GRM3: variants seen among roughly 807,000 people sequenced by gnomAD.
GRM3 encodes the protein glutamate metabotropic receptor 3.
A neutral mutation model predicts 70.5 loss-of-function variants in GRM3; 26 were observed. That is an observed-to-expected ratio of 0.37 (90% CI 0.27 to 0.51). The LOEUF is 0.51. GRM3 is among the 20% of genes least tolerant of loss of function. The pLI is 0.93. For synonymous variants in GRM3, 443 were observed against 434.9 expected, an observed-to-expected ratio of 1.02 and a Z score of -0.23; for missense variants, 859 against 1,123.8, an observed-to-expected ratio of 0.76 and a Z score of 3.37.
At chr7:86,647,178 T>G (rs1793493986) in intron 1 of GRM3, among the ~76,000 whole-genome samples, 1 of 152,224 alleles carries the variant, frequency 6.6e-6, no homozygotes, top group African/African-American at 2.4e-5. Flanking sequence ...TTTTGAAAGA[T>G]TCTCAGCAAT....
chr7:86,756,889 A>ATCTTT (rs1796358545), intron 1 of GRM3, among the ~76,000 whole-genome samples: 1 of 152,170 alleles, frequency 6.6e-6, no homozygotes, highest in African/African-American at 2.4e-5. Context: ...TTTCTTTTCT[A>ATCTTT]TCTTTTTTCT....
chr7:86,653,438 T>G (rs1308893654), intron 1 of GRM3, among the ~76,000 whole-genome samples: 1 of 152,218 alleles, frequency 6.6e-6, no homozygotes, highest in African/African-American at 2.4e-5. Context: ...TCTAATTGGA[T>G]TAACCAGTTG....
intron 3 of GRM3, among the ~76,000 whole-genome samples, chr7:86,801,261 G>A (rs1277483192): frequency 1.3e-5 from 2 of 151,736 alleles, no homozygotes; most frequent in Admixed American, 1.3e-4. Flanking sequence ...AGTCGAGACG[G>A]GGTTTCACTA....
At chr7:86,661,899 C>G (rs1002582284) in intron 1 of GRM3, among the ~76,000 whole-genome samples, 3 of 151,782 alleles carry the variant, frequency 2.0e-5, no homozygotes, top group South Asian at 4.1e-4. Flanking sequence ...AGGCACTTTA[C>G]TTTCACAGTT....
At chr7:86,740,489 G>T (rs1219996390) in intron 1 of GRM3, among the ~76,000 whole-genome samples, 1 of 152,114 alleles carries the variant, frequency 6.6e-6, no homozygotes, top group Non-Finnish European at 1.5e-5. Context: ...AGCAAGTCTG[G>T]CTACCAGTAA....
intron 1 of GRM3, among the ~76,000 whole-genome samples, chr7:86,750,994 G>T (rs1277210871): frequency 6.6e-6 from 1 of 152,068 alleles, no homozygotes; most frequent in Non-Finnish European, 1.5e-5. Flanking sequence ...GAAAATAATA[G>T]AAGTGGATAT....
intron 1 of GRM3, among the ~76,000 whole-genome samples, chr7:86,646,029 A>G (rs1479515453): frequency 1.8e-4 from 20 of 109,340 alleles, no homozygotes; most frequent in South Asian, 3.1e-4. Flanking sequence ...GAGGGAGTTT[A>G]GGGGGTGGAG....
intron 1 of GRM3, among the ~76,000 whole-genome samples, chr7:86,729,100 CT>C (rs1795660736): frequency 6.6e-6 from 1 of 152,118 alleles, no homozygotes; most frequent in African/African-American, 2.4e-5. Flanking sequence ...GATTAGCTTC[CT>C]TTTGTGAGAT....
chr7:86,766,980 G>T (rs887011467), intron 2 of GRM3, among the ~76,000 whole-genome samples: 1 of 152,180 alleles, frequency 6.6e-6, no homozygotes, highest in African/African-American at 2.4e-5. Flanking sequence ...GGAGGCTGAG[G>T]CAGGCAGATC....
intron 1 of GRM3, among the ~76,000 whole-genome samples, chr7:86,689,442 G>C (rs1023622421): frequency 6.6e-6 from 1 of 151,970 alleles, no homozygotes; most frequent in Non-Finnish European, 1.5e-5. Flanking sequence ...ATAGTAACAA[G>C]AGCCTAAGGA....
chr7:86,775,824 C>A (rs1412317920), intron 2 of GRM3: 2 of 152,052 alleles, frequency 1.3e-5, no homozygotes, highest in Non-Finnish European at 2.9e-5. Flanking sequence ...TGGAAAACTT[C>A]CACTTATTCC....
chr7:86,824,809 T>C (rs1375399109), intron 3 of GRM3, among the ~76,000 whole-genome samples: 1 of 151,236 alleles, frequency 6.6e-6, no homozygotes, highest in African/African-American at 2.4e-5. Flanking sequence ...TATATGTGTG[T>C]GTGTGCACAT....
chr7:86,862,586 TAAGAAG>T (rs1288876352), intron 5 of GRM3, among the ~76,000 whole-genome samples: 1 of 152,036 alleles, frequency 6.6e-6, no homozygotes, highest in Non-Finnish European at 1.5e-5. Flanking sequence ...CTGATCCTAA[TAAGAAG>T]AAGAAAAAAA....
chr7:86,731,641 A>C (rs1795736988), intron 1 of GRM3, among the ~76,000 whole-genome samples: 1 of 152,200 alleles, frequency 6.6e-6, no homozygotes, highest in Non-Finnish European at 1.5e-5. Flanking sequence ...TGGATTGGCT[A>C]TACCTATCTC....
intron 1 of GRM3, among the ~76,000 whole-genome samples, chr7:86,684,320 A>T (rs1368234948): frequency 2.0e-5 from 3 of 152,234 alleles, no homozygotes; most frequent in African/African-American, 7.2e-5. Context: ...CATTCCACAG[A>T]GGGCTGTTGC....
intron 1 of GRM3, chr7:86,710,045 C>A (rs1345372353): frequency 6.6e-6 from 1 of 152,060 alleles, no homozygotes; most frequent in Non-Finnish European, 1.5e-5. Context: ...TTAAAGCGAG[C>A]ATTTTCTTCT....
intron 3 of GRM3, among the ~76,000 whole-genome samples, chr7:86,827,510 T>A (rs1331922434): frequency 6.6e-6 from 1 of 150,380 alleles, no homozygotes; most frequent in Non-Finnish European, 1.5e-5. Context: ...AAAACTCATA[T>A]AAATCACTTT....
chr7:86,695,737 G>A (rs1762649488), intron 1 of GRM3, among the ~76,000 whole-genome samples: 2 of 152,150 alleles, frequency 1.3e-5, no homozygotes, highest in Non-Finnish European at 2.9e-5. Flanking sequence ...GAGATAAAGT[G>A]TTAGATAATT....
chr7:86,825,854 C>A (rs568261672), intron 3 of GRM3, among the ~76,000 whole-genome samples: 5 of 152,162 alleles, frequency 3.3e-5, no homozygotes, highest in African/African-American at 1.2e-4. Context: ...ATAGTTTGCA[C>A]GGTTGGCTTC....
Sources: allele counts gnomAD v4.1 joint callset (sites outside exome capture counted in the v4.1 genomes callset), GRCh38; gene constraint gnomAD v4.1.1; transcripts MANE v1.5; gene names NCBI Gene and HGNC (gene_info 2026-07-23, HGNC 2026-07-21).